The following TBC1D9 variants were observed in gnomAD, a reference collection of about 807,000 sequenced individuals.
TBC1D9 encodes TBC1 domain family member 9, also known as TBC1 domain family member 9A.
Under a neutral mutation model 132.0 loss-of-function variants are expected in TBC1D9, and 63 were observed. The observed-to-expected ratio is 0.48, with a 90% confidence interval of 0.39 to 0.59. The LOEUF is 0.59. TBC1D9 is among the 20% of genes least tolerant of loss of function. The pLI, the probability that TBC1D9 is intolerant of heterozygous loss-of-function variation, is 0.00. For synonymous variants in TBC1D9, 610 were observed against 609.9 expected (o/e 1.00, Z 0.00); for missense variants, 1,261 against 1,592.7 (o/e 0.79, Z 3.54).
At chr4:140,696,172 GGCGGGCCAGGC>G (rs1737952790) in intron 2 of TBC1D9, among the ~76,000 whole-genome samples, 1 of 131,758 alleles carries the variant, frequency 7.6e-6, no homozygotes, top group Non-Finnish European at 1.7e-5. Context: ...ATAAAAAAGA[GGCGGGCCAGGC>G]GTGATGGCTC....
intron 2 of TBC1D9, among the ~76,000 whole-genome samples, chr4:140,687,796 C>T (rs1737811538): frequency 6.6e-6 from 1 of 152,050 alleles, no homozygotes; most frequent in Admixed American, 6.6e-5. Context: ...GGATGAAAAG[C>T]AGGTATCAGC....
chr4:140,641,178 C>T (rs1423329297), intron 13 of TBC1D9, among the ~76,000 whole-genome samples: 1 of 146,884 alleles, frequency 6.8e-6, no homozygotes, highest in Non-Finnish European at 1.5e-5. Context: ...AATCAAAGAT[C>T]ATCTACGCTT....
At chr4:140,670,952 C>T (rs1737526336) in intron 6 of TBC1D9, 26 bp from the exon 7 acceptor site, 5 of 1,604,820 alleles carry the variant, frequency 3.1e-6, no homozygotes, top group Admixed American at 3.3e-5. Context: ...AAACAAAGAG[C>T]ATTATTTTCC....
In TBC1D9 at chr4:140,628,372, G is replaced by C; in HGVS notation, c.2747-7C>G. 1 of 1,613,248 alleles carries C rather than the reference G, an allele frequency of 6.2e-7. No individual in the cohort carries two copies. ...TCCCCATGGCATGCAGCACCTAGAA[G>C]TCACATAAGTACCAATGTGAAATGC... On this transcript the variant is annotated splice_region_variant and splice_polypyrimidine_tract_variant and intron_variant, in intron 16 of 20. Transcript: ENST00000442267.
At chr4:140,663,586 A>T (rs1175886789) in intron 9 of TBC1D9, among the ~76,000 whole-genome samples, 1 of 152,226 alleles carries the variant, frequency 6.6e-6, no homozygotes, top group Non-Finnish European at 1.5e-5. Context: ...AAATATCTGC[A>T]TCCTATGTTT....
intron 9 of TBC1D9, 123 bp from the exon 10 acceptor site, chr4:140,662,230 G>A (rs1418766823): frequency 1.2e-5 from 10 of 842,622 alleles, no homozygotes; most frequent in Non-Finnish European, 2.0e-5. Context: ...GCAAGAGAAG[G>A]TGAAATCACA....
At chr4:140,705,805 G>A (rs948277858) in intron 1 of TBC1D9, among the ~76,000 whole-genome samples, 3 of 152,120 alleles carry the variant, frequency 2.0e-5, no homozygotes, top group South Asian at 2.1e-4. Flanking sequence ...CACACAAAGC[G>A]CTGTTTTAGC....
intron 1 of TBC1D9, among the ~76,000 whole-genome samples, chr4:140,755,508 C>T (rs1738994057): frequency 6.6e-6 from 1 of 152,122 alleles, no homozygotes; most frequent in Admixed American, 6.5e-5. Context: ...ATACCTGATC[C>T]TGCTGTTGCC....
At chr4:140,670,519 A>T in intron 7 of TBC1D9, 1 of 567,178 alleles carries the variant, frequency 1.8e-6, no homozygotes, top group Non-Finnish European at 3.1e-6. Flanking sequence ...TAAAAGTGTT[A>T]TTCCAGGTGA....
At chr4:140,639,526 A>G in intron 13 of TBC1D9, 98 bp from the exon 14 acceptor site, 1 of 835,982 alleles carries the variant, frequency 1.2e-6, no homozygotes, top group Non-Finnish European at 2.0e-6. Flanking sequence ...CACATCAAAG[A>G]AATGACTTCT....
chr4:140,690,569 C>T (rs1387148342), intron 2 of TBC1D9, among the ~76,000 whole-genome samples: 1 of 152,068 alleles, frequency 6.6e-6, no homozygotes, highest in African/African-American at 2.4e-5. Context: ...CATCGCCAGC[C>T]ACTCGCTGCT....
intron 13 of TBC1D9, among the ~76,000 whole-genome samples, chr4:140,652,193 A>T (rs1737196855): frequency 6.6e-6 from 1 of 151,890 alleles, no homozygotes; most frequent in South Asian, 2.1e-4. Context: ...GTGAGCCAAG[A>T]TCAAGCCACT....
intron 1 of TBC1D9, among the ~76,000 whole-genome samples, chr4:140,736,312 G>A (rs1186500412): frequency 1.3e-5 from 2 of 152,014 alleles, no homozygotes; most frequent in Non-Finnish European, 2.9e-5. Flanking sequence ...AGGCCAAGGT[G>A]GGTGGATCAC....
chr4:140,653,572 A>G (rs1454509906), intron 13 of TBC1D9, among the ~76,000 whole-genome samples: 1 of 152,196 alleles, frequency 6.6e-6, no homozygotes, highest in Non-Finnish European at 1.5e-5. Flanking sequence ...AGCTTAAAAA[A>G]AAAATTAAGT....
chr4:140,731,887 C>T (rs1295845140), intron 1 of TBC1D9, among the ~76,000 whole-genome samples: 4 of 152,096 alleles, frequency 2.6e-5, no homozygotes, highest in Non-Finnish European at 5.9e-5. Flanking sequence ...AGAAAATGTG[C>T]CTTAACTGGT....
chr4:140,694,200 T>C lies in TBC1D9; in HGVS notation c.241+7304A>G, dbSNP rs1017860555. Among the ~76,000 whole-genome samples the C allele has an allele frequency of 3.3e-5, 5 of 152,176 alleles. No individual in the cohort carries two copies. In the East Asian group the frequency reaches 5.8e-4, roughly 18 times the overall value. On this transcript the variant is annotated intron_variant, in intron 2 of 20. Coordinates refer to ENST00000442267, the MANE Select transcript of TBC1D9 (RefSeq NM_015130.3). ...AAGATTGTTCAAAATACAGTAATAGTAGGGGAAAAAACCCTAGATTTCCAA... is the reference window on the plus strand; with the variant it reads ...AAGATTGTTCAAAATACAGTAATAGCAGGGGAAAAAACCCTAGATTTCCAA...
In TBC1D9 at chr4:140,668,982, G is replaced by A. The variant is rs375586764; in HGVS notation, c.1523C>T (p.Thr508Met). ...GATGCCCTTCAACACCAGCTCCCGC[G>A]TTTTCTCTGTGCGGTACATGCAGAT... ...QGICMYRTEK[T>M]RELVLKGIPE... The change falls in exon 9 of 21, where the codon ACG (threonine) becomes ATG (methionine). Residue 508 changes from threonine (T) to methionine (M), a missense_variant. Around this residue, in one of 3 missense-constraint regions of TBC1D9, gnomAD observed 550 missense variants for 699.0 expected, o/e 0.79. Transcript: ENST00000442267. 22 of 1,613,840 alleles carry A rather than the reference G, an allele frequency of 1.4e-5. No homozygotes were observed. Among genetic ancestry groups the A allele is most frequent in the Middle Eastern group, 1.6e-4 (1 of 6,084 alleles).
At chr4:140,703,411 G>A (rs190968082) in intron 1 of TBC1D9, among the ~76,000 whole-genome samples, 2 of 152,316 alleles carry the variant, frequency 1.3e-5, no homozygotes, top group Admixed American at 1.3e-4. Context: ...GCATCCTGGT[G>A]TCACGGAAGG....
chr4:140,755,838 C>G lies in TBC1D9; in HGVS notation c.130+78G>C, dbSNP rs370010179. 6.1e-4 allele frequency: 796 copies of G among 1,309,048 alleles called. 6 individuals carry two copies. The African/African-American group carries it at 0.011, about 18-fold the overall frequency. 81.1% of individuals were successfully genotyped at this position (1,309,048 alleles called of 1,614,324 possible). On this transcript the variant is annotated intron_variant, in intron 1 of 20. Coordinates refer to ENST00000442267, the MANE Select transcript of TBC1D9 (RefSeq NM_015130.3). Reference sequence around the variant, plus strand: ...CCCCAGGGGACCGGGCGGCGTCTCCCGAGCCTGCAGCCCAGGCCGCGGGCG... The same window carrying G: ...CCCCAGGGGACCGGGCGGCGTCTCCGGAGCCTGCAGCCCAGGCCGCGGGCG...
Sources: allele counts gnomAD v4.1 joint callset (sites outside exome capture counted in the v4.1 genomes callset), GRCh38; gene constraint gnomAD v4.1.1; regional missense constraint gnomAD v4.1.1; transcripts MANE v1.5; gene names NCBI Gene and HGNC (gene_info 2026-07-23, HGNC 2026-07-21).